The following COL25A1 variants were observed in gnomAD, a reference collection of about 807,000 sequenced individuals.
The protein encoded by COL25A1 is collagen type XXV alpha 1 chain, also known as collagen alpha-1(XXV) chain.
In COL25A1, 103 loss-of-function variants were observed where a neutral mutation model predicts 128.4. That is an observed-to-expected ratio of 0.80 (90% CI 0.68 to 0.94). The LOEUF is 0.94. Ranked by LOEUF, COL25A1 falls within the 40% of genes least tolerant of loss-of-function variation. COL25A1 has a pLI of 0.00. For synonymous variants in COL25A1, 279 were observed against 277.2 expected (o/e 1.01, Z -0.06); for missense variants, 745 against 840.0 (o/e 0.89, Z 1.40).
intron 6 of COL25A1, among the ~76,000 whole-genome samples, chr4:108,987,469 G>A (rs769749555): frequency 1.3e-4 from 19 of 151,674 alleles, no homozygotes; most frequent in Non-Finnish European, 2.2e-4. Flanking sequence ...TCCGCCTCCC[G>A]GGTTCAGGCA....
At chr4:109,248,188 C>T (rs1206465078) in intron 3 of COL25A1, among the ~76,000 whole-genome samples, 1 of 151,920 alleles carries the variant, frequency 6.6e-6, no homozygotes, top group Non-Finnish European at 1.5e-5. Context: ...ATTCTCTAGT[C>T]CTTAGCCAGG....
At chr4:109,269,297 G>A (rs1191618161) in intron 3 of COL25A1, among the ~76,000 whole-genome samples, 2 of 151,434 alleles carry the variant, frequency 1.3e-5, no homozygotes, top group Non-Finnish European at 2.9e-5. Flanking sequence ...ATTCCATGGT[G>A]TATATATGCC....
chr4:109,021,172 G>A (rs1757713176), intron 5 of COL25A1, among the ~76,000 whole-genome samples: 1 of 152,202 alleles, frequency 6.6e-6, no homozygotes, highest in South Asian at 2.1e-4. Flanking sequence ...CATGTCTGCG[G>A]AATGCTCATC....
rs1430881957 is a variant in COL25A1, at chr4:108,825,216, C to A, written c.1771G>T (p.Asp591Tyr). The part of the protein sequence containing the change: ...PRGPYGLPGK[D>Y]GEPGLDGFPG... Reference sequence around the variant, plus strand: ...CTTACATCAAGACCAGGCTCTCCATCTTTCCCCTGCCAAAGAACCATAGTA... The same window carrying A: ...CTTACATCAAGACCAGGCTCTCCATATTTCCCCTGCCAAAGAACCATAGTA... Residue 591 changes from aspartate to tyrosine, a missense_variant, in exon 34 of 38, where the codon GAT becomes TAT. Asp to Tyr is a radical substitution (Grantham distance 160). Around this residue, in one of 3 missense-constraint regions of COL25A1, gnomAD observed 387 missense variants for 441.9 expected, o/e 0.88. Transcript: ENST00000399132. The A allele has an allele frequency of 6.2e-7, 1 of 1,611,318 alleles. No individual in the cohort carries two copies. Among genetic ancestry groups the A allele is most frequent in the Admixed American group, 1.7e-5 (1 of 60,002 alleles).
intron 19 of COL25A1, among the ~76,000 whole-genome samples, chr4:108,882,729 T>C (rs1045724799): frequency 1.3e-5 from 2 of 152,144 alleles, no homozygotes; most frequent in African/African-American, 4.8e-5. Flanking sequence ...AGAGTGTTAC[T>C]TTTTCACCAA....
intron 3 of COL25A1, among the ~76,000 whole-genome samples, chr4:109,087,388 CCG>C (rs759122447): frequency 2.6e-5 from 4 of 152,178 alleles, no homozygotes; most frequent in Non-Finnish European, 5.9e-5. Flanking sequence ...ACCACCCACC[CCG>C]CCTGCGCCAC....
rs1224900061 is a variant in COL25A1, at chr4:108,810,768, T to C, written c.*3159A>G. The C allele has an allele frequency of 6.6e-6, 1 of 152,018 alleles. No individual in the cohort carries two copies. Among genetic ancestry groups the C allele is most frequent in the Non-Finnish European group, 1.5e-5 (1 of 67,892 alleles). 9.4% of individuals were successfully genotyped at this position (152,018 alleles called of 1,614,324 possible). On this transcript the variant is annotated 3_prime_UTR_variant, in exon 38 of 38. Transcript: ENST00000399132. ...ATTGGTACACTGTTTTGTTTTACAT[T>C]AAGAAAGCCTGGTCATTGGACCATA...
intron 5 of COL25A1, among the ~76,000 whole-genome samples, chr4:109,024,202 G>T (rs1209761053): frequency 6.6e-6 from 1 of 151,978 alleles, no homozygotes; most frequent in Non-Finnish European, 1.5e-5. Context: ...AGTAGGTTAG[G>T]TGTATTAAAT....
chr4:109,019,438 C>T (rs927713995), intron 5 of COL25A1, among the ~76,000 whole-genome samples: 2 of 145,216 alleles, frequency 1.4e-5, no homozygotes. Flanking sequence ...CAGACCCCAA[C>T]ATACCAAGAC....
chr4:109,149,766 G>T (rs1560773866), intron 3 of COL25A1, among the ~76,000 whole-genome samples: 4 of 151,842 alleles, frequency 2.6e-5, no homozygotes, highest in Non-Finnish European at 4.4e-5. Context: ...TTTAAAATAT[G>T]TATATATATA....
intron 8 of COL25A1, among the ~76,000 whole-genome samples, chr4:108,941,823 A>G (rs918192586): frequency 8.5e-5 from 13 of 152,218 alleles, no homozygotes; most frequent in African/African-American, 2.9e-4. Context: ...GTCAACCAGC[A>G]TAATGTGGCG....
chr4:109,292,881 T>G (rs1050660163), intron 3 of COL25A1, among the ~76,000 whole-genome samples: 1 of 152,096 alleles, frequency 6.6e-6, no homozygotes, highest in Admixed American at 6.6e-5. Context: ...TAAAAAATGA[T>G]TTTTAGTGTT....
intron 13 of COL25A1, among the ~76,000 whole-genome samples, chr4:108,912,709 A>T (rs1456181875): frequency 6.6e-6 from 1 of 152,162 alleles, no homozygotes. Flanking sequence ...AAAATATTGG[A>T]TTTATTGTAT....
intron 3 of COL25A1, among the ~76,000 whole-genome samples, chr4:109,201,206 G>A (rs750415204): frequency 1.7e-4 from 26 of 152,038 alleles, no homozygotes; most frequent in Admixed American, 1.0e-3. Context: ...TTTTCTGTTG[G>A]TATGCACTTG....
Position 109,302,214 on chromosome 4 carries a change from G to T in COL25A1, c.-102C>A. ...AGACCCGCAGGCGTGCACCATCCCC[G>T]CTTTCTTCTCTCCTCCCAGCTGGAA... On this transcript the variant is annotated 5_prime_UTR_variant, in exon 1 of 38. Transcript: ENST00000399132. 1.6e-6 allele frequency: 1 copy of T among 636,356 alleles called. No individual in the cohort carries two copies. Among genetic ancestry groups the T allele is most frequent in the Non-Finnish European group, 2.5e-6 (1 of 395,396 alleles). The allele number at this position is 636,356 out of a possible 1,614,324, so 39.4% of individuals were successfully genotyped here.
chr4:108,927,725 G>T (rs150389146), intron 11 of COL25A1, among the ~76,000 whole-genome samples: 10 of 152,124 alleles, frequency 6.6e-5, no homozygotes, highest in African/African-American at 2.4e-4. Flanking sequence ...GAATTTTTGA[G>T]GAAAATATTA....
At position 108,863,320 on chromosome 4, in the gene COL25A1, T is replaced by A; in HGVS notation, c.1151A>T (p.Lys384Met). Residue 384 changes from lysine to methionine, a missense_variant and splice_region_variant, in exon 21 of 38, where the codon AAG becomes ATG. Transcript: ENST00000399132. ...ERGEPGAPGP[K>M]GKQGESGTRG... ...TTTTCCAGTTTAAGAATAACTCACC[T>A]TTGGTCCGGGGGCTCCAGGTTCCCC... 1 of 1,613,620 alleles carries A rather than the reference T, an allele frequency of 6.2e-7. No individual in the cohort carries two copies. Among genetic ancestry groups the A allele is most frequent in the Non-Finnish European group, 8.5e-7 (1 of 1,179,700 alleles).
At chr4:108,913,283 T>TTTTTTTTTTTTTTTTG (rs1744470434) in intron 13 of COL25A1, among the ~76,000 whole-genome samples, 1 of 146,542 alleles carries the variant, frequency 6.8e-6, no homozygotes, top group African/African-American at 2.5e-5. Context: ...TTTTTTTTTT[T>TTTTTTTTTTTTTTTTG]AAGACGGAGT....
At chr4:109,016,922 T>C (rs2081466) in intron 5 of COL25A1, among the ~76,000 whole-genome samples, 39,088 of 152,216 alleles carry the variant, frequency 0.26, 5,522 homozygotes, top group East Asian at 0.45. Flanking sequence ...ATGGCAAGAC[T>C]GAAAGAGCTG....
Sources: allele counts gnomAD v4.1 joint callset (sites outside exome capture counted in the v4.1 genomes callset), GRCh38; gene constraint gnomAD v4.1.1; regional missense constraint gnomAD v4.1.1; transcripts MANE v1.5; gene names NCBI Gene and HGNC (gene_info 2026-07-23, HGNC 2026-07-21).